Variants in IARS2 observed in about 807,000 individuals in gnomAD.
IARS2 encodes the protein isoleucine--tRNA ligase, mitochondrial.
Under a neutral mutation model 126.3 loss-of-function variants are expected in IARS2, and 56 were observed. The ratio of observed to expected loss-of-function variants is 0.44; its 90% CI spans 0.36 to 0.55. The LOEUF is 0.55. Among genes scored for constraint, IARS2 ranks in the 20% least tolerant of loss-of-function variants. The pLI, the probability that IARS2 is intolerant of heterozygous loss-of-function variation, is 0.00. For missense variants in IARS2, 1,127 were observed against 1,245.9 expected (o/e 0.90, Z 1.44); for synonymous variants, 407 against 441.1 (o/e 0.92, Z 0.97).
intron 20 of IARS2, 73 bp downstream of exon 20, chr1:220,142,021 T>G: frequency 6.3e-6 from 9 of 1,422,982 alleles, no homozygotes; most frequent in Non-Finnish European, 8.8e-6. Context: ...TTCTATCTGC[T>G]TCATAAAAGG....
At chr1:220,143,191 A>G in intron 21 of IARS2, 57 bp downstream of exon 21, 1 of 1,355,316 alleles carries the variant, frequency 7.4e-7, no homozygotes, top group Non-Finnish European at 1.0e-6. Flanking sequence ...CTTTGCCTGA[A>G]ATTTGCTTTT....
In IARS2 at chr1:220,094,437, A is replaced by G. The variant is rs373788106; in HGVS notation, c.221A>G (p.Lys74Arg). The G allele has an allele frequency of 1.4e-5, 22 of 1,611,324 alleles. No homozygotes were observed. In the South Asian group the frequency reaches 2.4e-4, roughly 18 times the overall value. Residue 74 changes from lysine (K) to arginine (R), a missense_variant, in exon 1 of 23, where the codon AAG becomes AGG. By Grantham distance (26) the Lys-to-Arg change is conservative. Coordinates refer to ENST00000366922, the MANE Select transcript of IARS2 (RefSeq NM_018060.4). ...CTGCCGCAGACGAGCTTCCCCATGA[A>G]GCTGCTGGGCCGCCAGCAGCCGGAC... ...VLLPQTSFPM[K>R]LLGRQQPDTE...
chr1:220,095,130 C>CCAGGCT (rs1656411168), intron 1 of IARS2, among the ~76,000 whole-genome samples: 1 of 152,230 alleles, frequency 6.6e-6, no homozygotes, highest in Non-Finnish European at 1.5e-5. Flanking sequence ...CTTCCGCCTC[C>CCAGGCT]CAGGCTCAGG....
chr1:220,100,707 A>G, intron 3 of IARS2, 58 bp downstream of exon 3: 1 of 1,386,834 alleles, frequency 7.2e-7, no homozygotes, highest in Non-Finnish European at 1.0e-6. Flanking sequence ...GGTCCTTGAA[A>G]TAGTCAGAAC....
chr1:220,099,228 A>G (rs1226653400), intron 2 of IARS2, among the ~76,000 whole-genome samples: 4 of 113,124 alleles, frequency 3.5e-5, no homozygotes, highest in Non-Finnish European at 5.2e-5. Flanking sequence ...AAAAAAAAAA[A>G]AAAGAAATAA....
In IARS2 at chr1:220,125,296, C is replaced by T. The variant is rs761228063; in HGVS notation, c.1700C>T (p.Thr567Ile). 2 of 1,613,758 alleles carry T rather than the reference C, an allele frequency of 1.2e-6. No individual in the cohort carries two copies. Among genetic ancestry groups the T allele is most frequent in the Admixed American group, 3.3e-5 (2 of 60,020 alleles). ...CAACACGGCAGTGATATCTGGTGGA[C>T]TCTTCCCCCTGAACAACTTCTTCCA... ...VEQHGSDIWW[T>I]LPPEQLLPKE... Residue 567 changes from threonine (T) to isoleucine (I), a missense_variant, in exon 13 of 23, where the codon ACT (threonine) becomes ATT (isoleucine). Transcript: ENST00000366922.
rs771124236 is a variant in IARS2, at chr1:220,136,889, A to G, written c.2027A>G (p.Asp676Gly). 8.3e-5 allele frequency: 134 copies of G among 1,607,474 alleles called. No homozygotes were observed. The highest frequency in any genetic ancestry group is 1.6e-4 in the Middle Eastern group (1 of 6,066). Residue 676 changes from aspartate (D) to glycine (G), a missense_variant, in exon 16 of 23, where the codon GAT (aspartate) becomes GGT (glycine). Physicochemically the swap from Asp to Gly is moderately conservative, Grantham distance 94. Transcript: ENST00000366922. ...TCTCTTGGGAATGTCATTCATCCTG[A>G]TGTTGTCGTTAATGGAGGACAAGTA... ...SKSLGNVIHP[D>G]VVVNGGQDQS...
At chr1:220,118,291 C>G (rs1383057648) in intron 12 of IARS2, 3 of 374,108 alleles carry the variant, frequency 8.0e-6, no homozygotes, top group African/African-American at 6.6e-5. Flanking sequence ...TGTACGATAT[C>G]TCTAAGTATA....
intron 12 of IARS2, among the ~76,000 whole-genome samples, chr1:220,120,361 C>T (rs1168400558): frequency 1.3e-5 from 2 of 149,328 alleles, no homozygotes; most frequent in South Asian, 2.1e-4. Flanking sequence ...GGATTATAGG[C>T]GTGAACCACC....
intron 18 of IARS2, 118 bp from the exon 19 acceptor site, chr1:220,140,065 C>T (rs1244243914): frequency 1.5e-6 from 1 of 673,096 alleles, no homozygotes; most frequent in Non-Finnish European, 2.7e-6. Flanking sequence ...TGCATATTGC[C>T]TGTTTTGTAT....
At position 220,103,502 on chromosome 1, in the gene IARS2, A is replaced by G; in HGVS notation, c.1006A>G (p.Lys336Glu). The change falls in exon 8 of 23, where the codon AAA becomes GAA. Residue 336 changes from lysine (K) to glutamate (E), a missense_variant. Transcript: ENST00000366922. ...SGDLYVLAAD[K>E]VASVASTLET... is the part of the protein sequence containing the mutation. ...AGACCTCTACGTACTGGCGGCAGAT[A>G]AAGTAGCATCTGTTGCTTCTACTTT... The G allele has an allele frequency of 6.2e-7, 1 of 1,613,658 alleles. No individual in the cohort carries two copies. The highest frequency in any genetic ancestry group is 8.5e-7 in the Non-Finnish European group (1 of 1,179,624).
chr1:220,102,376 G>A lies in IARS2; in HGVS notation c.713G>A (p.Arg238Gln), dbSNP rs767672750. The change falls in exon 5 of 23, where the codon CGA (arginine) becomes CAA (glutamine). Residue 238 changes from arginine (R) to glutamine (Q), a missense_variant. Coordinates refer to ENST00000366922, the MANE Select transcript of IARS2 (RefSeq NM_018060.4). ...YQMYDKGLVY[R>Q]SYKPVFWSPS... Reference sequence around the variant, plus strand: ...TGTCTTTTATAGGGCTTGGTTTATCGATCTTACAAACCTGTGTTTTGGTCT... The same window carrying A: ...TGTCTTTTATAGGGCTTGGTTTATCAATCTTACAAACCTGTGTTTTGGTCT... 8.1e-6 allele frequency: 13 copies of A among 1,613,394 alleles called. No individual in the cohort carries two copies. In the East Asian group the frequency reaches 2.0e-4, roughly 25 times the overall value.
intron 10 of IARS2, among the ~76,000 whole-genome samples, chr1:220,107,391 TAATC>T (rs1349655310): frequency 6.6e-6 from 1 of 152,202 alleles, no homozygotes; most frequent in Non-Finnish European, 1.5e-5. Context: ...ATGGAGATAA[TAATC>T]AGCAGTATTA....
At position 220,100,669 on chromosome 1, in the gene IARS2, G is replaced by T. The variant is rs749811451; in HGVS notation, c.550+20G>T. 6.4e-7 allele frequency: 1 copy of T among 1,567,710 alleles called. No homozygotes were observed. The highest frequency in any genetic ancestry group is 1.1e-5 in the South Asian group (1 of 87,000). The stretch of plus-strand genomic sequence containing the variant: ...AGAAAGGTAAATAATCTGTATTTCT[G>T]TTTTAAAATGATATTTGTAAACACT... On this transcript the variant is annotated intron_variant, in intron 3 of 22. Transcript: ENST00000366922.
intron 11 of IARS2, among the ~76,000 whole-genome samples, chr1:220,112,893 C>T (rs571896473): frequency 1.2e-3 from 171 of 147,416 alleles, no homozygotes; most frequent in Admixed American, 3.3e-3. Context: ...GATGGAGTTT[C>T]ACTCTTGTTG....
At chr1:220,108,866 T>TTC (rs1486804602) in intron 10 of IARS2, among the ~76,000 whole-genome samples, 8 of 148,012 alleles carry the variant, frequency 5.4e-5, no homozygotes, top group Non-Finnish European at 8.9e-5. Context: ...CTTTTTTTTT[T>TTC]TTTTTTTTTT....
In IARS2 at chr1:220,102,776, A is replaced by G; in HGVS notation, c.949A>G (p.Lys317Glu). The G allele has an allele frequency of 6.3e-7, 1 of 1,595,194 alleles. No individual in the cohort carries two copies. Among genetic ancestry groups the G allele is most frequent in the Non-Finnish European group, 8.6e-7 (1 of 1,162,990 alleles). ...NEAVCYMPES[K>E]YAVVKCSKSG... ...AGCTGTTTGCTATATGCCTGAATCA[A>G]AGTGGGTATATTATTGCATTTTTTG... Residue 317 changes from lysine to glutamate, a missense_variant and splice_region_variant, in exon 7 of 23, where the codon AAG becomes GAG. Transcript: ENST00000366922.
intron 22 of IARS2, 112 bp from the exon 23 acceptor site, chr1:220,147,381 C>T (rs1326566052): frequency 2.0e-6 from 2 of 1,002,310 alleles, no homozygotes; most frequent in African/African-American, 3.2e-5. Flanking sequence ...GTCTGACAAG[C>T]TTTACCAAGG....
chr1:220,140,807 A>T (rs190749061), intron 19 of IARS2, among the ~76,000 whole-genome samples: 13 of 151,958 alleles, frequency 8.6e-5, no homozygotes, highest in Admixed American at 2.0e-4. Context: ...ACACAGTGAA[A>T]CCCCGTCTCT....
Sources: gnomAD v4.1 joint callset for allele counts (sites outside exome capture counted in the v4.1 genomes callset) on GRCh38, gnomAD v4.1.1 for gene constraint, MANE v1.5 for transcripts, NCBI Gene and HGNC (gene_info 2026-07-23, HGNC 2026-07-21) for gene names.